Variants in DGAT2 observed in about 807,000 individuals in gnomAD.
The protein encoded by DGAT2 is diacylglycerol O-acyltransferase 2.
DGAT2 carries 33 observed loss-of-function variants against 48.4 expected under a neutral mutation model. The ratio of observed to expected loss-of-function variants is 0.68; its 90% CI spans 0.52 to 0.91. DGAT2 has a LOEUF of 0.91. Among genes scored for constraint, DGAT2 ranks in the 40% least tolerant of loss-of-function variants. The probability of loss-of-function intolerance (pLI) is 0.00; values close to 1 mark genes in which losing one functional copy is unlikely to be tolerated. For synonymous variants in DGAT2, 191 were observed against 194.1 expected (o/e 0.98, Z 0.13); for missense variants, 446 against 493.7 (o/e 0.90, Z 0.92).
chr11:75,797,068 G>A, intron 5 of DGAT2, 90 bp from the exon 6 acceptor site: 3 of 1,321,846 alleles, frequency 2.3e-6, no homozygotes, highest in Non-Finnish European at 2.0e-6. Flanking sequence ...CCAGGTCCAG[G>A]GTTCTTTATG....
Position 75,784,652 on chromosome 11 carries a change from C to G in DGAT2, c.156C>G (p.Asp52Glu). The change falls in exon 2 of 8, where the codon GAC (aspartate) becomes GAG (glutamate). Residue 52 changes from aspartate (D) to glutamate (E), a missense_variant. Physicochemically the swap from Asp to Glu is conservative, Grantham distance 45 (BLOSUM62 2). Coordinates refer to ENST00000228027, the MANE Select transcript of DGAT2 (RefSeq NM_032564.5). ...CCAGCATCCTCTCCGCCCTCCAGGA[C>G]CTCTTCTCTGTCACCTGGCTCAATA... ...TGSSILSALQ[D>E]LFSVTWLNRS... 1 of 1,614,092 alleles carries G rather than the reference C, an allele frequency of 6.2e-7. No individual in the cohort carries two copies. The highest frequency in any genetic ancestry group is 8.5e-7 in the Non-Finnish European group (1 of 1,179,970).
chr11:75,791,161 G>GC (rs1411097112), intron 4 of DGAT2, among the ~76,000 whole-genome samples: 1 of 152,250 alleles, frequency 6.6e-6, no homozygotes, highest in Non-Finnish European at 1.5e-5. Flanking sequence ...TGAGTACCCT[G>GC]CAGAAGGTAG....
At chr11:75,790,359 T>TGAAG in intron 3 of DGAT2, 64 bp downstream of exon 3, 1 of 1,355,570 alleles carries the variant, frequency 7.4e-7, no homozygotes, top group South Asian at 1.2e-5. Flanking sequence ...CTGCACAAGC[T>TGAAG]GAAGGGCCTC....
chr11:75,787,770 T>G (rs1371763087), intron 2 of DGAT2, among the ~76,000 whole-genome samples: 1 of 152,234 alleles, frequency 6.6e-6, no homozygotes, highest in Non-Finnish European at 1.5e-5. Flanking sequence ...TGACCTGGTT[T>G]CTGCTCCCAA....
chr11:75,799,365 T>C (rs1490122751), intron 7 of DGAT2, among the ~76,000 whole-genome samples: 2 of 152,056 alleles, frequency 1.3e-5, no homozygotes, highest in Non-Finnish European at 2.9e-5. Flanking sequence ...GGATGGAAGA[T>C]GGGTTAGAAA....
intron 1 of DGAT2, among the ~76,000 whole-genome samples, chr11:75,770,074 G>T (rs1045080936): frequency 6.6e-6 from 1 of 152,186 alleles, no homozygotes; most frequent in Non-Finnish European, 1.5e-5. Flanking sequence ...ACTATCCAAA[G>T]ATACCTTCCT....
chr11:75,774,457 A>T (rs1333866209), intron 1 of DGAT2, among the ~76,000 whole-genome samples: 1 of 152,230 alleles, frequency 6.6e-6, no homozygotes, highest in African/African-American at 2.4e-5. Flanking sequence ...TCCTTTTCTT[A>T]TTAGAGCAGA....
chr11:75,800,262 GC>G, intron 7 of DGAT2, 91 bp from the exon 8 acceptor site: 1 of 1,452,010 alleles, frequency 6.9e-7, no homozygotes, highest in Non-Finnish European at 9.3e-7. Context: ...CACATGGCGG[GC>G]CCACAGCCCA....
chr11:75,790,318 C>A, intron 3 of DGAT2, 23 bp downstream of exon 3: 1 of 1,552,266 alleles, frequency 6.4e-7, no homozygotes, highest in Non-Finnish European at 8.9e-7. Flanking sequence ...CCTCCCTTGC[C>A]CCACCTCTCA....
chr11:75,796,366 T>C lies in DGAT2; in HGVS notation c.468T>C (p.Tyr156=). The C allele has an allele frequency of 6.2e-7, 1 of 1,614,150 alleles. No homozygotes were observed. The highest frequency in any genetic ancestry group is 8.5e-7 in the Non-Finnish European group (1 of 1,180,016). The change falls in exon 5 of 8, where the codon TAT becomes TAC. Residue 156 remains tyrosine (Y), a synonymous_variant. Coordinates refer to ENST00000228027, the MANE Select transcript of DGAT2 (RefSeq NM_032564.5). ...ACAACCTGCTGACCACCAGGAACTATATCTTTGGATACCACCCCCATGGTA... is the reference window on the plus strand; with the variant it reads ...ACAACCTGCTGACCACCAGGAACTACATCTTTGGATACCACCCCCATGGTA... ...KTHNLLTTRN[Y]IFGYHPHGIM... is the part of the protein sequence containing the mutation.
rs186636168 is a variant in DGAT2, at chr11:75,788,626, A to G, written c.251-1562A>G. 1.1e-3 allele frequency among the ~76,000 whole-genome samples: 175 copies of G among 152,242 alleles called. 1 individual carries two copies. The highest frequency in any genetic ancestry group is 0.01 in the Admixed American group (157 of 15,298). On this transcript the variant is annotated intron_variant, in intron 2 of 7. Transcript: ENST00000228027. ...TCTACATCCAGCCTTATCTTCTCCC[A>G]TGGGAAACCAAAGGAGGCTCAACAT...
At chr11:75,772,297 T>TCA (rs919600455) in intron 1 of DGAT2, among the ~76,000 whole-genome samples, 21 of 152,148 alleles carry the variant, frequency 1.4e-4, no homozygotes, top group African/African-American at 4.6e-4. Flanking sequence ...CCACACTCAG[T>TCA]CACACTTCAG....
chr11:75,775,626 GC>G (rs941689796), intron 1 of DGAT2, among the ~76,000 whole-genome samples: 48 of 152,312 alleles, frequency 3.2e-4, no homozygotes, highest in African/African-American at 1.1e-3. Flanking sequence ...CCTAGACCTA[GC>G]ATCCCAGTCC....
At chr11:75,796,718 A>G (rs1945060402) in intron 5 of DGAT2, 186 bp downstream of exon 5, 2 of 621,114 alleles carry the variant, frequency 3.2e-6, no homozygotes, top group Admixed American at 3.1e-5. Context: ...GGTCTTGAGA[A>G]TTCAACTCGG....
At chr11:75,786,482 T>A (rs904611190) in intron 2 of DGAT2, among the ~76,000 whole-genome samples, 7 of 152,042 alleles carry the variant, frequency 4.6e-5, no homozygotes, top group African/African-American at 1.7e-4. Context: ...GCCTGGCTGG[T>A]AGGGAGCTGA....
chr11:75,769,150 A>C lies in DGAT2; in HGVS notation c.121+38A>C, dbSNP rs746502217. ...GCGCAGGGGTTATGGACCTGCGAGA[A>C]GATTTTCTGGAAAGGGCCCTGTGGC... On this transcript the variant is annotated intron_variant, in intron 1 of 7. Transcript: ENST00000228027. 3 of 1,519,690 alleles carry C rather than the reference A, an allele frequency of 2.0e-6. No homozygotes were observed. In the African/African-American group the frequency reaches 4.3e-5, roughly 22 times the overall value. 94.1% of individuals were successfully genotyped at this position (1,519,690 alleles called of 1,614,324 possible).
chr11:75,782,980 C>A (rs1222359233), intron 1 of DGAT2, among the ~76,000 whole-genome samples: 5 of 152,180 alleles, frequency 3.3e-5, no homozygotes, highest in Admixed American at 1.3e-4. Context: ...GGTTGCTGGG[C>A]AAGTCTGGAG....
chr11:75,781,735 G>C (rs1211466246), intron 1 of DGAT2, among the ~76,000 whole-genome samples: 2 of 152,300 alleles, frequency 1.3e-5, no homozygotes, highest in East Asian at 3.9e-4. Flanking sequence ...AACCGAACCA[G>C]CAGTGTGGGA....
At chr11:75,783,335 T>TCCTC (rs1183977045) in intron 1 of DGAT2, among the ~76,000 whole-genome samples, 2 of 152,132 alleles carry the variant, frequency 1.3e-5, no homozygotes, top group Non-Finnish European at 1.5e-5. Flanking sequence ...TTTCCTTCCT[T>TCCTC]CCTCCTAAAA....
Sources: allele counts gnomAD v4.1 joint callset (sites outside exome capture counted in the v4.1 genomes callset), GRCh38; gene constraint gnomAD v4.1.1; transcripts MANE v1.5; gene names NCBI Gene and HGNC (gene_info 2026-07-23, HGNC 2026-07-21).